CUX2: variants seen among roughly 807,000 people sequenced by gnomAD.
The protein encoded by CUX2 is homeobox protein cut-like 2.
In CUX2, 40 loss-of-function variants were observed where a neutral mutation model predicts 144.8. The ratio of observed to expected loss-of-function variants is 0.28; its 90% CI spans 0.21 to 0.36. CUX2 has a LOEUF of 0.36. Among genes scored for constraint, CUX2 ranks in the 10% least tolerant of loss-of-function variants. CUX2 has a pLI of 1.00. For synonymous variants in CUX2, 827 were observed against 875.6 expected, an observed-to-expected ratio of 0.94 and a Z score of 0.98; for missense variants, 1,615 against 1,994.0, an observed-to-expected ratio of 0.81 and a Z score of 3.62.
chr12:111,196,087 G>A (rs544323978), intron 1 of CUX2, among the ~76,000 whole-genome samples: 1 of 152,264 alleles, frequency 6.6e-6, no homozygotes, highest in South Asian at 2.1e-4. Flanking sequence ...TTTTCTGGTC[G>A]TTTCGTACAA....
chr12:111,159,192 G>T (rs1566262155), intron 1 of CUX2, among the ~76,000 whole-genome samples: 1 of 152,194 alleles, frequency 6.6e-6, no homozygotes, highest in East Asian at 1.9e-4. Flanking sequence ...TGTTACCCAG[G>T]CTGGAATGCG....
chr12:111,078,518 AAATT>A (rs1871664310), intron 1 of CUX2, among the ~76,000 whole-genome samples: 1 of 152,056 alleles, frequency 6.6e-6, no homozygotes, highest in African/African-American at 2.4e-5. Flanking sequence ...AAAATTTAAT[AAATT>A]AGTTGGATGT....
chr12:111,157,305 T>A (rs1213306254), intron 1 of CUX2, among the ~76,000 whole-genome samples: 1 of 150,650 alleles, frequency 6.6e-6, no homozygotes, highest in Non-Finnish European at 1.5e-5. Flanking sequence ...GAGCACTTAC[T>A]ATGTGCCAGG....
At chr12:111,119,877 G>A (rs548472147) in intron 1 of CUX2, among the ~76,000 whole-genome samples, 1 of 152,292 alleles carries the variant, frequency 6.6e-6, no homozygotes, top group African/African-American at 2.4e-5. Flanking sequence ...GGCCAACATG[G>A]CAAAACCCTG....
intron 1 of CUX2, among the ~76,000 whole-genome samples, chr12:111,187,386 C>T (rs1879612061): frequency 6.6e-6 from 1 of 152,116 alleles, no homozygotes; most frequent in Non-Finnish European, 1.5e-5. Flanking sequence ...TAGGTCTTTG[C>T]CTAAAAGTCA....
At chr12:111,093,703 C>A (rs537945543) in intron 1 of CUX2, among the ~76,000 whole-genome samples, 1 of 152,120 alleles carries the variant, frequency 6.6e-6, no homozygotes, top group Non-Finnish European at 1.5e-5. Context: ...GTGGGTGAAG[C>A]GCCTGTCGCT....
At chr12:111,299,918 G>A (rs987741411) in intron 9 of CUX2, among the ~76,000 whole-genome samples, 16 of 152,088 alleles carry the variant, frequency 1.1e-4, no homozygotes, top group African/African-American at 2.2e-4. Context: ...ATACTCTGTC[G>A]CCCAGGCTGG....
intron 1 of CUX2, among the ~76,000 whole-genome samples, chr12:111,070,672 T>A (rs1871223567): frequency 6.6e-6 from 1 of 152,150 alleles, no homozygotes; most frequent in African/African-American, 2.4e-5. Context: ...TCTATGGGCT[T>A]GGACAAGTGT....
chr12:111,186,828 G>T lies in CUX2; in HGVS notation c.64-27372G>T, dbSNP rs1378026789. Among the ~76,000 whole-genome samples the T allele has an allele frequency of 6.6e-6, 1 of 151,410 alleles. No homozygotes were observed. The highest frequency in any genetic ancestry group is 2.4e-5 in the African/African-American group (1 of 41,126). On this transcript the variant is annotated intron_variant, in intron 1 of 21. Transcript: ENST00000261726. This position sits in a 1 kb window ranked among gnomAD's most constrained non-coding sequence, Gnocchi z 4.4. The stretch of plus-strand genomic sequence containing the variant: ...GAATTTCACCGCATCACCCAGACTG[G>T]AGTGCAGTGGTGCAATCTCAGCTCA...
intron 3 of CUX2, among the ~76,000 whole-genome samples, chr12:111,245,300 C>T (rs1354990993): frequency 6.6e-6 from 1 of 152,012 alleles, no homozygotes; most frequent in African/African-American, 2.4e-5. Flanking sequence ...CTTTGGGAGG[C>T]CAAGGCAGGA....
At position 111,307,122 on chromosome 12, in the gene CUX2, G is replaced by A. The variant is rs1221736636; in HGVS notation, c.1050+10G>A. 2.5e-6 allele frequency: 4 copies of A among 1,613,412 alleles called. No homozygotes were observed. Among genetic ancestry groups the A allele is most frequent in the East Asian group, 2.2e-5 (1 of 44,862 alleles). ...GTCCGAGGCCATAGAAGTGGGTCCTGGGGAGGAGGCAGGCGGGCAGGCGGC... is the reference window on the plus strand; with the variant it reads ...GTCCGAGGCCATAGAAGTGGGTCCTAGGGAGGAGGCAGGCGGGCAGGCGGC... On this transcript the variant is annotated intron_variant, in intron 11 of 21. Coordinates refer to ENST00000261726, the MANE Select transcript of CUX2 (RefSeq NM_015267.4). The surrounding 1 kb of genome is among the most constrained non-coding windows in gnomAD (Gnocchi z 4.1).
intron 3 of CUX2, among the ~76,000 whole-genome samples, chr12:111,238,061 A>C (rs1300896528): frequency 6.6e-6 from 1 of 152,222 alleles, no homozygotes; most frequent in African/African-American, 2.4e-5. Flanking sequence ...ACCAAGAACC[A>C]CTGACCTAAC....
In CUX2 at chr12:111,310,787, C is replaced by T. The variant is rs1886859313; in HGVS notation, c.1900+105C>T. On this transcript the variant is annotated intron_variant, in intron 15 of 21. Transcript: ENST00000261726. The surrounding 1 kb of genome is among the most constrained non-coding windows in gnomAD (Gnocchi z 7.9). Reference sequence around the variant, plus strand: ...CTCTGGGTTCAAAGCCCAGCTCTACCACCACCTGGCTGTGTGACCCAGGGC... The same window carrying T: ...CTCTGGGTTCAAAGCCCAGCTCTACTACCACCTGGCTGTGTGACCCAGGGC... The T allele has an allele frequency of 7.6e-7, 1 of 1,308,700 alleles. No individual in the cohort carries two copies. The highest frequency in any genetic ancestry group is 1.5e-5 in the African/African-American group (1 of 67,752). 81.1% of individuals were successfully genotyped at this position (1,308,700 alleles called of 1,614,324 possible).
At chr12:111,161,883 C>T (rs1159547623) in intron 1 of CUX2, among the ~76,000 whole-genome samples, 1 of 152,136 alleles carries the variant, frequency 6.6e-6, no homozygotes, top group African/African-American at 2.4e-5. Context: ...TACAGGCATG[C>T]GCAAACATAC....
chr12:111,312,211 A>T lies in CUX2; in HGVS notation c.2002+10A>T, dbSNP rs767400640. On this transcript the variant is annotated intron_variant, in intron 16 of 21. Transcript: ENST00000261726. The surrounding 1 kb of genome is among the most constrained non-coding windows in gnomAD (Gnocchi z 4.3). ...GAGTCGCAGAAGGGCGGTGAGTGTG[A>T]CCCCTGCAGGCAAAGCCTGAGGCCC... is the stretch of plus-strand genomic sequence containing the variant. 4.4e-5 allele frequency: 70 copies of T among 1,596,378 alleles called. No homozygotes were observed. The highest frequency in any genetic ancestry group is 5.7e-5 in the Non-Finnish European group (67 of 1,169,774).
chr12:111,293,308 C>T lies in CUX2; in HGVS notation c.437-138C>T. ...GCTGAGGACATGCGGCCCGCAGGGCCCCACAGCTGCGCTCTCTCCAAGGCC... is the reference window on the plus strand; with the variant it reads ...GCTGAGGACATGCGGCCCGCAGGGCTCCACAGCTGCGCTCTCTCCAAGGCC... On this transcript the variant is annotated intron_variant, in intron 5 of 21. Transcript: ENST00000261726. The surrounding 1 kb of genome is among the most constrained non-coding windows in gnomAD (Gnocchi z 4.5). 1 of 1,325,748 alleles carries T rather than the reference C, an allele frequency of 7.5e-7. No homozygotes were observed. The highest frequency in any genetic ancestry group is 1.0e-6 in the Non-Finnish European group (1 of 994,536). 82.1% of individuals were successfully genotyped at this position (1,325,748 alleles called of 1,614,324 possible). A position where few individuals can be genotyped will look rare whatever the true frequency, so the allele number is the denominator to read the frequency against.
intron 3 of CUX2, among the ~76,000 whole-genome samples, chr12:111,249,662 G>A (rs1883472553): frequency 6.6e-6 from 1 of 151,792 alleles, no homozygotes. Context: ...TCACCATGTT[G>A]GCCAGGCTGG....
At chr12:111,237,090 G>A (rs746642388) in intron 3 of CUX2, among the ~76,000 whole-genome samples, 5 of 152,114 alleles carry the variant, frequency 3.3e-5, no homozygotes, top group South Asian at 2.1e-4. Context: ...CCAAGTTTGC[G>A]GTGAGCCGAA....
intron 1 of CUX2, among the ~76,000 whole-genome samples, chr12:111,176,784 C>T (rs987134582): frequency 6.6e-6 from 1 of 152,176 alleles, no homozygotes; most frequent in Non-Finnish European, 1.5e-5. Context: ...ACTTCCTTGG[C>T]CCACACAGAT....
Sources: allele counts gnomAD v4.1 joint callset (sites outside exome capture counted in the v4.1 genomes callset), GRCh38; gene constraint gnomAD v4.1.1; non-coding constraint Gnocchi (gnomAD v3.1); transcripts MANE v1.5; gene names NCBI Gene and HGNC (gene_info 2026-07-23, HGNC 2026-07-21).